The following RSRC2 variants were observed in gnomAD, a reference collection of about 807,000 sequenced individuals.
RSRC2 encodes arginine/serine-rich coiled-coil protein 2.
A neutral mutation model predicts 61.3 loss-of-function variants in RSRC2; 5 were observed. The observed-to-expected ratio is 0.08, with a 90% CI of 0.04 to 0.17. RSRC2 has a LOEUF of 0.17. Ranked by LOEUF, RSRC2 falls within the 10% of genes least tolerant of loss-of-function variation. RSRC2 has a pLI of 1.00. For synonymous variants in RSRC2, 202 were observed against 166.5 expected, an observed-to-expected ratio of 1.21 and a Z score of -1.64; for missense variants, 381 against 518.8, an observed-to-expected ratio of 0.73 and a Z score of 2.58.
rs928724787 is a variant in RSRC2 at position 122,522,055 on chromosome 12, C to A, written c.163+88G>T. On this transcript the variant is annotated intron_variant, in intron 2 of 9. Transcript: ENST00000331738. ...GGCTTGAGCCACCATGCCCAGCCAA[C>A]AAACTAAATGTATGTGTCTTCTTAT... 6 of 1,364,834 alleles carry A rather than the reference C, an allele frequency of 4.4e-6. No individual in the cohort carries two copies. In the African/African-American group the frequency reaches 5.9e-5, roughly 13 times the overall value. The allele number at this position is 1,364,834 out of a possible 1,614,324, so 84.5% of individuals were successfully genotyped here. A position where few individuals can be genotyped will look rare whatever the true frequency, so the allele number is the denominator to read the frequency against.
chr12:122,514,421 C>A (rs1465916462), intron 6 of RSRC2, among the ~76,000 whole-genome samples: 1 of 151,552 alleles, frequency 6.6e-6, no homozygotes, highest in Non-Finnish European at 1.5e-5. Flanking sequence ...CCTGCCACCA[C>A]GCCCAGCTAA....
At chr12:122,523,076 G>A (rs1213684990) in intron 1 of RSRC2, 2 of 152,106 alleles carry the variant, frequency 1.3e-5, no homozygotes, top group East Asian at 3.9e-4. Context: ...TGATTACTTA[G>A]GAAGGGTTGG....
At position 122,522,275 on chromosome 12, in the gene RSRC2, G is replaced by A; in HGVS notation, c.31C>T (p.Leu11=). The A allele has an allele frequency of 6.2e-7, 1 of 1,612,980 alleles. No homozygotes were observed. The highest frequency in any genetic ancestry group is 1.3e-5 in the African/African-American group (1 of 74,952). The change falls in exon 2 of 10, where the codon CTA becomes TTA. Residue 11 remains leucine (L), a synonymous_variant. Transcript: ENST00000331738. ...TCTGGTGATGTCTTTTCTGGGGCTA[G>A]TCCATCTCGCTCTGTATCACTAGCC... MAASDTERDG[L]APEKTSPDRD...
At chr12:122,523,181 C>T (rs989273690) in intron 1 of RSRC2, 1 of 152,170 alleles carries the variant, frequency 6.6e-6, no homozygotes, top group Admixed American at 6.5e-5. Context: ...TAATAAATAA[C>T]TTCAGTAAAT....
At chr12:122,520,786 T>C in intron 3 of RSRC2, 1 of 333,536 alleles carries the variant, frequency 3.0e-6, no homozygotes, top group East Asian at 7.9e-5. Context: ...ACTTCCTTAT[T>C]GGCTCATTCT....
intron 7 of RSRC2, among the ~76,000 whole-genome samples, chr12:122,510,593 T>A (rs1198449682): frequency 6.6e-6 from 1 of 152,160 alleles, no homozygotes; most frequent in African/African-American, 2.4e-5. Context: ...TACTAATTTA[T>A]CAACAAAAAT....
chr12:122,506,253 A>G (rs1958109046), intron 9 of RSRC2: 1 of 152,398 alleles, frequency 6.6e-6, no homozygotes. Flanking sequence ...ACAAAAATAT[A>G]CTTTTGGGAT....
At chr12:122,522,005 G>T in intron 2 of RSRC2, 138 bp downstream of exon 2, 2 of 838,318 alleles carry the variant, frequency 2.4e-6, no homozygotes, top group African/African-American at 1.7e-5. Flanking sequence ...TGCCTGCCTT[G>T]GCCTCCCAAA....
Position 122,515,085 on chromosome 12 carries a change from G to T in RSRC2, c.725+20C>A, listed in dbSNP as rs759334501. The T allele has an allele frequency of 1.2e-5, 20 of 1,604,306 alleles. No individual in the cohort carries two copies. The highest frequency in any genetic ancestry group is 1.7e-5 in the Admixed American group (1 of 57,332). ...TATTTAAAGGCGAACTGGAACAAAT[G>T]AATTAAGAAATATACACACCTTCTA... On this transcript the variant is annotated intron_variant, in intron 6 of 9. Transcript: ENST00000331738.
intron 5 of RSRC2, among the ~76,000 whole-genome samples, chr12:122,516,696 C>G (rs1366689652): frequency 1.3e-5 from 2 of 152,074 alleles, no homozygotes; most frequent in South Asian, 2.1e-4. Context: ...TTGAACACAA[C>G]TGAATTTGTT....
intron 3 of RSRC2, chr12:122,520,754 C>G: frequency 2.7e-6 from 1 of 365,098 alleles, no homozygotes; most frequent in Non-Finnish European, 5.3e-6. Flanking sequence ...GACTCTTCTC[C>G]CTTTCTGGCT....
intron 5 of RSRC2, among the ~76,000 whole-genome samples, chr12:122,515,478 T>G (rs1958836201): frequency 6.6e-6 from 1 of 152,126 alleles, no homozygotes; most frequent in African/African-American, 2.4e-5. Context: ...CCTCCTGCCT[T>G]AGCCTCCAGA....
chr12:122,522,503 C>A, intron 1 of RSRC2: 2 of 412,832 alleles, frequency 4.8e-6, no homozygotes, highest in African/African-American at 2.1e-5. Context: ...GCAAGACCTA[C>A]ATATTTAGAC....
At chr12:122,519,484 T>C (rs1475903146) in intron 3 of RSRC2, 2 of 157,378 alleles carry the variant, frequency 1.3e-5, no homozygotes, top group African/African-American at 2.4e-5. Flanking sequence ...TAAGTACTAA[T>C]ATTTTCTATA....
rs766000964 is a variant in RSRC2 at position 122,526,901 on chromosome 12, A to C, written c.-48T>G. On this transcript the variant is annotated 5_prime_UTR_variant, in exon 1 of 10. Transcript: ENST00000331738. ...AGCGGCGCCTCCACTTGTCGCTTTC[A>C]ACAGTACCGGCCGCTCCGAAGCTTC... is the stretch of plus-strand genomic sequence containing the variant. 26 of 1,611,778 alleles carry C rather than the reference A, an allele frequency of 1.6e-5. No homozygotes were observed. In the African/African-American group the frequency reaches 2.1e-4, roughly 13 times the overall value.
intron 1 of RSRC2, 91 bp downstream of exon 1, chr12:122,526,755 CAT>C: frequency 7.0e-7 from 1 of 1,437,382 alleles, no homozygotes; most frequent in South Asian, 1.1e-5. Context: ...TGTCTACACA[CAT>C]ACACACGAAC....
chr12:122,525,268 C>T (rs553484208), intron 1 of RSRC2, among the ~76,000 whole-genome samples: 1 of 151,890 alleles, frequency 6.6e-6, no homozygotes, highest in African/African-American at 2.4e-5. Context: ...CCCAGCTACT[C>T]GGGAGTCTGA....
chr12:122,506,043 C>T (rs1252450568), intron 9 of RSRC2, among the ~76,000 whole-genome samples: 2 of 152,098 alleles, frequency 1.3e-5, no homozygotes, highest in East Asian at 2.0e-4. Flanking sequence ...GCCCCCCGGC[C>T]TCCCGAAGTG....
intron 6 of RSRC2, among the ~76,000 whole-genome samples, chr12:122,513,237 AAATAAAT>A (rs1565893896): frequency 7.4e-5 from 4 of 54,314 alleles, no homozygotes; most frequent in South Asian, 6.0e-4. Context: ...ATAAATAAAT[AAATAAAT>A]AAAATAAAAT....
Sources: gnomAD v4.1 joint callset for allele counts (sites outside exome capture counted in the v4.1 genomes callset) on GRCh38, gnomAD v4.1.1 for gene constraint, MANE v1.5 for transcripts, NCBI Gene and HGNC (gene_info 2026-07-23, HGNC 2026-07-21) for gene names.